The following CDADC1 variants were observed in gnomAD, a reference collection of about 807,000 sequenced individuals.
The protein encoded by CDADC1 is cytidine and dCMP deaminase domain containing 1.
CDADC1 carries 39 observed loss-of-function variants against 54.9 expected under a neutral mutation model. The observed-to-expected ratio is 0.71, with a 90% confidence interval of 0.55 to 0.93. The LOEUF is 0.93. CDADC1 is among the 40% of genes least tolerant of loss of function. The pLI, the probability that CDADC1 is intolerant of heterozygous loss-of-function variation, is 0.00. For synonymous variants in CDADC1, 186 were observed against 204.0 expected (o/e 0.91, Z 0.75); for missense variants, 518 against 618.8 (o/e 0.84, Z 1.73).
intron 1 of CDADC1, 73 bp downstream of exon 1, chr13:49,248,192 C>T: frequency 7.6e-7 from 1 of 1,317,158 alleles, no homozygotes; most frequent in East Asian, 2.5e-5. Context: ...CATTGAACTC[C>T]AGATTCCTTG....
chr13:49,275,355 G>T lies in CDADC1; in HGVS notation c.1050+1015G>T, dbSNP rs540745454. On this transcript the variant is annotated intron_variant, in intron 6 of 9. Transcript: ENST00000251108. ...CCCTCTTCTGCCTCCCAAAGTGCTG[G>T]GATCACAGGTGTGAGCCACCATGCC... 8.4e-4 allele frequency among the ~76,000 whole-genome samples: 128 copies of T among 151,514 alleles called. 1 individual carries two copies. The highest frequency in any genetic ancestry group is 1.3e-3 in the Non-Finnish European group (87 of 67,900).
At chr13:49,271,644 T>C (rs1307335837) in intron 5 of CDADC1, among the ~76,000 whole-genome samples, 1 of 151,658 alleles carries the variant, frequency 6.6e-6, no homozygotes, top group Non-Finnish European at 1.5e-5. Context: ...AAGCATCCAG[T>C]AATTTTGATG....
intron 4 of CDADC1, among the ~76,000 whole-genome samples, chr13:49,265,345 A>G (rs1397256789): frequency 6.6e-6 from 1 of 152,240 alleles, no homozygotes; most frequent in Non-Finnish European, 1.5e-5. Flanking sequence ...AAGCCCATCC[A>G]TGAAACCCTT....
intron 5 of CDADC1, among the ~76,000 whole-genome samples, chr13:49,272,463 C>T (rs1371475269): frequency 6.6e-6 from 1 of 152,066 alleles, no homozygotes; most frequent in East Asian, 1.9e-4. Context: ...GCTGTTCAGC[C>T]TCATTTATTT....
intron 3 of CDADC1, 86 bp downstream of exon 3, chr13:49,255,999 C>T: frequency 6.6e-7 from 1 of 1,509,928 alleles, no homozygotes; most frequent in South Asian, 1.3e-5. Flanking sequence ...GCCTCCATTT[C>T]TACTATCAAG....
chr13:49,283,853 C>A (rs1206312790), intron 8 of CDADC1, among the ~76,000 whole-genome samples: 2 of 152,130 alleles, frequency 1.3e-5, no homozygotes, highest in Admixed American at 6.5e-5. Context: ...TCTCATCTGG[C>A]CTGGCTGCAA....
At chr13:49,257,939 T>G (rs1276675435) in intron 3 of CDADC1, among the ~76,000 whole-genome samples, 3 of 152,216 alleles carry the variant, frequency 2.0e-5, no homozygotes, top group Non-Finnish European at 2.9e-5. Flanking sequence ...GTTCACAAAT[T>G]CAAGGTCAAT....
At chr13:49,248,317 G>T (rs1197295538) in intron 1 of CDADC1, 198 bp downstream of exon 1, 3 of 557,062 alleles carry the variant, frequency 5.4e-6, no homozygotes, top group African/African-American at 1.9e-5. Flanking sequence ...TTGAAGTCTC[G>T]CTTTTTACCC....
chr13:49,248,474 G>A, intron 1 of CDADC1: 1 of 340,372 alleles, frequency 2.9e-6, no homozygotes, highest in East Asian at 5.2e-5. Flanking sequence ...TCGAAGGTCA[G>A]CGCATTTTTC....
At chr13:49,282,216 T>C (rs921302757) in intron 8 of CDADC1, among the ~76,000 whole-genome samples, 1 of 150,706 alleles carries the variant, frequency 6.6e-6, no homozygotes, top group African/African-American at 2.4e-5. Flanking sequence ...TCTTCACTAT[T>C]TGGGTTCTGG....
intron 1 of CDADC1, chr13:49,248,603 C>A: frequency 2.4e-6 from 1 of 409,282 alleles, no homozygotes; most frequent in South Asian, 4.1e-5. Context: ...TTGTCCCCCT[C>A]AGCTATGTGT....
chr13:49,256,513 G>T (rs1952552417), intron 3 of CDADC1, among the ~76,000 whole-genome samples: 1 of 152,166 alleles, frequency 6.6e-6, no homozygotes, highest in South Asian at 2.1e-4. Flanking sequence ...AAATAATAAA[G>T]TTCATTGTTT....
chr13:49,292,727 C>T lies in CDADC1; in HGVS notation c.*970C>T. 7.9e-7 allele frequency: 1 copy of T among 1,270,904 alleles called. No homozygotes were observed. The highest frequency in any genetic ancestry group is 1.0e-6 in the Non-Finnish European group (1 of 980,976). The allele number at this position is 1,270,904 out of a possible 1,614,324, so 78.7% of individuals were successfully genotyped here. Reference sequence around the variant, plus strand: ...TCTCACATTTTTATTTGCTGAGAAACATTCAGAAAATTATTCCAAAAATGA... The same window carrying T: ...TCTCACATTTTTATTTGCTGAGAAATATTCAGAAAATTATTCCAAAAATGA... On this transcript the variant is annotated 3_prime_UTR_variant, in exon 10 of 10. Transcript: ENST00000251108.
chr13:49,284,696 T>C (rs1953454087), intron 8 of CDADC1, among the ~76,000 whole-genome samples: 1 of 152,242 alleles, frequency 6.6e-6, no homozygotes, highest in Admixed American at 6.5e-5. Flanking sequence ...TAACCAACCA[T>C]TTCTAGATGT....
chr13:49,262,639 C>G (rs1952714546), intron 4 of CDADC1, among the ~76,000 whole-genome samples: 1 of 152,016 alleles, frequency 6.6e-6, no homozygotes, highest in Non-Finnish European at 1.5e-5. Context: ...CAAGCGATTC[C>G]CCTGCCTCAG....
chr13:49,284,959 C>T (rs774382067), intron 8 of CDADC1, among the ~76,000 whole-genome samples: 5 of 152,144 alleles, frequency 3.3e-5, no homozygotes, highest in Non-Finnish European at 7.4e-5. Flanking sequence ...CGATTACTCT[C>T]CATTTTTATT....
chr13:49,274,205 A>G (rs1953039552), intron 5 of CDADC1, 86 bp from the exon 6 acceptor site: 1 of 975,026 alleles, frequency 1.0e-6, no homozygotes, highest in Admixed American at 2.2e-5. Flanking sequence ...ATGTTTCAAT[A>G]CAAGTTTTTA....
chr13:49,258,542 T>C (rs989484028), intron 3 of CDADC1, among the ~76,000 whole-genome samples: 1 of 152,182 alleles, frequency 6.6e-6, no homozygotes, highest in Non-Finnish European at 1.5e-5. Flanking sequence ...AAACCTTCAC[T>C]CAAAGAGATC....
chr13:49,292,534 G>C lies in CDADC1; in HGVS notation c.*777G>C. On this transcript the variant is annotated 3_prime_UTR_variant, in exon 10 of 10. Transcript: ENST00000251108. Reference sequence around the variant, plus strand: ...CTTTCCTAGAATTCCATTAATAAATGCTGCTCCCCCATATAGTCTTCCCTT... The same window carrying C: ...CTTTCCTAGAATTCCATTAATAAATCCTGCTCCCCCATATAGTCTTCCCTT... 1 of 1,034,006 alleles carries C rather than the reference G, an allele frequency of 9.7e-7. No homozygotes were observed. The highest frequency in any genetic ancestry group is 1.2e-6 in the Non-Finnish European group (1 of 859,116). The allele number at this position is 1,034,006 out of a possible 1,614,324, so 64.1% of individuals were successfully genotyped here. A position where few individuals can be genotyped will look rare whatever the true frequency, so the allele number is the denominator to read the frequency against.
Sources: gnomAD v4.1 joint callset for allele counts (sites outside exome capture counted in the v4.1 genomes callset) on GRCh38, gnomAD v4.1.1 for gene constraint, MANE v1.5 for transcripts, NCBI Gene and HGNC (gene_info 2026-07-23, HGNC 2026-07-21) for gene names.